USP15: variants seen among roughly 807,000 people sequenced by gnomAD.
The protein encoded by USP15 is ubiquitin specific peptidase 15, also known as ubiquitin carboxyl-terminal hydrolase 15.
A neutral mutation model predicts 127.1 loss-of-function variants in USP15; 18 were observed. The observed-to-expected ratio is 0.14, with a 90% CI of 0.10 to 0.21. The LOEUF (loss-of-function observed/expected upper bound fraction) is 0.21, where lower values mean the gene tolerates loss of function less well. USP15 is among the 10% of genes least tolerant of loss of function. USP15 has a pLI of 1.00. For missense variants in USP15, 805 were observed against 1,159.9 expected, an observed-to-expected ratio of 0.69 and a Z score of 4.44; for synonymous variants, 364 against 393.7, an observed-to-expected ratio of 0.92 and a Z score of 0.89.
At chr12:62,340,312 T>TA (rs2065608299) in intron 6 of USP15, among the ~76,000 whole-genome samples, 1 of 152,200 alleles carries the variant, frequency 6.6e-6, no homozygotes, top group South Asian at 2.1e-4. Flanking sequence ...CTATCTATTT[T>TA]ATTTTTTTCC....
At chr12:62,366,216 CT>C (rs2066473406) in intron 8 of USP15, among the ~76,000 whole-genome samples, 1 of 152,112 alleles carries the variant, frequency 6.6e-6, no homozygotes. Context: ...TGTGTCCTCT[CT>C]TATTTCCTTG....
intron 3 of USP15, among the ~76,000 whole-genome samples, chr12:62,309,679 C>A (rs1352298678): frequency 6.6e-6 from 1 of 151,892 alleles, no homozygotes; most frequent in Non-Finnish European, 1.5e-5. Flanking sequence ...CAAGACAAAT[C>A]CAGCATTATG....
intron 7 of USP15, 26 bp downstream of exon 7, chr12:62,349,333 T>C (rs1348228154): frequency 1.4e-6 from 2 of 1,405,512 alleles, no homozygotes; most frequent in Admixed American, 2.5e-5. Flanking sequence ...TAAAAACTCT[T>C]TGTTTAATTG....
At chr12:62,344,662 G>T (rs1288606571) in intron 6 of USP15, among the ~76,000 whole-genome samples, 1 of 152,218 alleles carries the variant, frequency 6.6e-6, no homozygotes, top group Non-Finnish European at 1.5e-5. Flanking sequence ...CCTAGCAGAG[G>T]TTCTCCATGA....
Position 62,412,546 on chromosome 12 carries a change from T to A in USP15, c.*8171T>A, listed in dbSNP as rs1200447908. ...TTCATCAACTAAGTTTATGGAATAT[T>A]CTAAATCCTTTGTTGTCTTTTCAAC... On this transcript the variant is annotated 3_prime_UTR_variant, in exon 22 of 22. Transcript: ENST00000280377. The A allele has an allele frequency of 1.2e-5, 2 of 164,622 alleles. No homozygotes were observed. Among genetic ancestry groups the A allele is most frequent in the African/African-American group, 2.4e-5 (1 of 41,736 alleles). 10.2% of individuals were successfully genotyped at this position (164,622 alleles called of 1,614,324 possible). A position where few individuals can be genotyped will look rare whatever the true frequency, so the allele number is the denominator to read the frequency against.
At position 62,413,985 on chromosome 12, in the gene USP15, T is replaced by G. The variant is rs1400817476; in HGVS notation, c.*9610T>G. 6.6e-6 allele frequency: 1 copy of G among 152,190 alleles called. No individual in the cohort carries two copies. Among genetic ancestry groups the G allele is most frequent in the Non-Finnish European group, 1.5e-5 (1 of 68,050 alleles). 9.4% of individuals were successfully genotyped at this position (152,190 alleles called of 1,614,324 possible). On this transcript the variant is annotated 3_prime_UTR_variant, in exon 22 of 22. Coordinates refer to ENST00000280377, the MANE Select transcript of USP15 (RefSeq NM_001252078.2). ...GCCATTGGATGGTTATTAACTGGCC[T>G]GGTTTTAATAGTGTTATGTCTCAGG... is the stretch of plus-strand genomic sequence containing the variant.
At chr12:62,282,086 C>T (rs958954366) in intron 1 of USP15, among the ~76,000 whole-genome samples, 1 of 151,988 alleles carries the variant, frequency 6.6e-6, no homozygotes, top group Non-Finnish European at 1.5e-5. Context: ...CCAGCACTTT[C>T]GGAGGCCAAA....
In USP15 at chr12:62,379,520, A is replaced by G. The variant is rs185996399; in HGVS notation, c.916-1970A>G. On this transcript the variant is annotated intron_variant, in intron 8 of 21. Coordinates refer to ENST00000280377, the MANE Select transcript of USP15 (RefSeq NM_001252078.2). ...TCAGTTATACCTTTAAGCTCTTTCC[A>G]AGATAAGAGTATATGTGAATAATTA... Among the ~76,000 whole-genome samples the G allele has an allele frequency of 1.9e-3, 289 of 152,272 alleles. 3 individuals carry two copies. Among genetic ancestry groups the G allele is most frequent in the South Asian group, 2.3e-3 (11 of 4,824 alleles).
chr12:62,269,701 A>C (rs1258650304), intron 1 of USP15, among the ~76,000 whole-genome samples: 1 of 152,130 alleles, frequency 6.6e-6, no homozygotes, highest in African/African-American at 2.4e-5. Context: ...GATTATAGGC[A>C]TGAGCCACTG....
At chr12:62,399,766 G>C (rs1391488011) in intron 20 of USP15, among the ~76,000 whole-genome samples, 3 of 152,064 alleles carry the variant, frequency 2.0e-5, no homozygotes, top group Non-Finnish European at 2.9e-5. Context: ...CAGTAAAATT[G>C]TTAACCAAAC....
chr12:62,399,773 A>G (rs912869411), intron 20 of USP15, among the ~76,000 whole-genome samples: 2 of 152,188 alleles, frequency 1.3e-5, no homozygotes, highest in Admixed American at 1.3e-4. Flanking sequence ...ATTGTTAACC[A>G]AACAACTTAG....
intron 4 of USP15, 78 bp downstream of exon 4, chr12:62,314,994 G>A (rs2064790546): frequency 3.8e-6 from 5 of 1,299,932 alleles, no homozygotes; most frequent in Non-Finnish European, 4.0e-6. Context: ...TATGCTACTT[G>A]GATGATAACC....
intron 2 of USP15, among the ~76,000 whole-genome samples, chr12:62,295,188 A>G (rs1341698050): frequency 6.6e-6 from 1 of 152,182 alleles, no homozygotes; most frequent in East Asian, 1.9e-4. Context: ...CGCACTTTGC[A>G]TATAAGAAAA....
intron 4 of USP15, 133 bp downstream of exon 4, chr12:62,315,049 C>G (rs2064792023): frequency 1.2e-6 from 1 of 836,806 alleles, no homozygotes; most frequent in Non-Finnish European, 1.7e-6. Flanking sequence ...AGCTTTGATA[C>G]AATGTCTTAG....
intron 2 of USP15, among the ~76,000 whole-genome samples, chr12:62,302,125 G>A (rs2064338148): frequency 6.6e-6 from 1 of 152,074 alleles, no homozygotes; most frequent in African/African-American, 2.4e-5. Flanking sequence ...TCCAGATTGT[G>A]GGCCTTCTGG....
intron 6 of USP15, chr12:62,328,210 G>C (rs769249123): frequency 2.5e-6 from 1 of 402,680 alleles, no homozygotes; most frequent in Non-Finnish European, 5.0e-6. Flanking sequence ...ATTCAGCAAG[G>C]TTGTCTAATA....
intron 1 of USP15, among the ~76,000 whole-genome samples, chr12:62,271,731 A>G (rs2063349481): frequency 6.6e-6 from 1 of 151,898 alleles, no homozygotes; most frequent in African/African-American, 2.4e-5. Context: ...TATCTTTAGT[A>G]TGGAGAGACA....
Position 62,355,478 on chromosome 12 carries a change from A to C in USP15, c.915+3A>C. On this transcript the variant is annotated splice_donor_region_variant and intron_variant, in intron 8 of 21. Coordinates refer to ENST00000280377, the MANE Select transcript of USP15 (RefSeq NM_001252078.2). ...GTTTCATGAACTCAGCTATTCAGGT[A>C]GGTCTTTGTAAACAAAATGAAACTC... 6.3e-7 allele frequency: 1 copy of C among 1,580,720 alleles called. No homozygotes were observed. Among genetic ancestry groups the C allele is most frequent in the Non-Finnish European group, 8.6e-7 (1 of 1,167,304 alleles).
At chr12:62,383,719 A>G in intron 9 of USP15, 121 bp from the exon 10 acceptor site, 1 of 1,224,170 alleles carries the variant, frequency 8.2e-7, no homozygotes, top group South Asian at 1.8e-5. Flanking sequence ...TTACAAATAC[A>G]TTTTAGAAAG....
Sources: gnomAD v4.1 joint callset for allele counts (sites outside exome capture counted in the v4.1 genomes callset) on GRCh38, gnomAD v4.1.1 for gene constraint, MANE v1.5 for transcripts, NCBI Gene and HGNC (gene_info 2026-07-23, HGNC 2026-07-21) for gene names.